ZFHX3: variants seen among roughly 807,000 people sequenced by gnomAD.
ZFHX3 encodes the protein zinc finger homeobox 3, also known as zinc finger homeobox protein 3.
Under a neutral mutation model 279.1 loss-of-function variants are expected in ZFHX3, and 42 were observed. That is an observed-to-expected ratio of 0.15 (90% CI 0.12 to 0.19). ZFHX3 has a LOEUF of 0.19. Among genes scored for constraint, ZFHX3 ranks in the 10% least tolerant of loss-of-function variants. The pLI, the probability that ZFHX3 is intolerant of heterozygous loss-of-function variation, is 1.00. For missense variants in ZFHX3, 4,981 were observed against 4,754.0 expected, an observed-to-expected ratio of 1.05 and a Z score of -1.40; for synonymous variants, 2,293 against 1,957.8, an observed-to-expected ratio of 1.17 and a Z score of -4.52.
At chr16:73,568,943 T>C (rs904206119) in intron 2 of ZFHX3, among the ~76,000 whole-genome samples, 2 of 152,064 alleles carry the variant, frequency 1.3e-5, no homozygotes, top group Admixed American at 1.3e-4. Flanking sequence ...CAGAATGTCA[T>C]GTGCCTCCGG....
intron 1 of ZFHX3, chr16:73,815,820 C>A (rs1960555061): frequency 6.6e-6 from 1 of 152,226 alleles, no homozygotes; most frequent in Non-Finnish European, 1.5e-5. Flanking sequence ...CCACCTCGGC[C>A]TCCCAAAGTG....
intron 2 of ZFHX3, among the ~76,000 whole-genome samples, chr16:73,669,531 G>A (rs1182631622): frequency 6.6e-6 from 1 of 152,182 alleles, no homozygotes; most frequent in Non-Finnish European, 1.5e-5. Flanking sequence ...ATAAAAAGGG[G>A]TATCCATGAA....
At chr16:73,759,579 G>A (rs1004694544) in intron 1 of ZFHX3, among the ~76,000 whole-genome samples, 3 of 152,190 alleles carry the variant, frequency 2.0e-5, no homozygotes, top group African/African-American at 7.2e-5. Flanking sequence ...AAGTTAAAAA[G>A]AGGAGGCAGA....
chr16:73,122,360 G>A (rs1353382339), intron 7 of ZFHX3, among the ~76,000 whole-genome samples: 2 of 151,580 alleles, frequency 1.3e-5, no homozygotes, highest in Non-Finnish European at 1.5e-5. Context: ...TGCATGCCAG[G>A]CTAATTTTTG....
intron 3 of ZFHX3, among the ~76,000 whole-genome samples, chr16:73,417,744 G>C (rs1474977788): frequency 6.6e-6 from 1 of 151,604 alleles, no homozygotes; most frequent in Non-Finnish European, 1.5e-5. Context: ...AGGCTGAAGC[G>C]GGTGGATCAC....
At chr16:72,800,822 G>A (rs988013640) in intron 7 of ZFHX3, among the ~76,000 whole-genome samples, 3 of 152,106 alleles carry the variant, frequency 2.0e-5, no homozygotes, top group Non-Finnish European at 4.4e-5. Flanking sequence ...TCTGACCAAC[G>A]TCCCAGCGAT....
In ZFHX3 at chr16:72,950,832, G is replaced by A. The variant is rs1366807474; in HGVS notation, c.2853C>T (p.Asn951=). 2.5e-6 allele frequency: 4 copies of A among 1,614,062 alleles called. No homozygotes were observed. The highest frequency in any genetic ancestry group is 1.7e-5 in the Admixed American group (1 of 60,012). ...SLKLFQCAVC[N]KFTTDNLDML... ...TGTCCAGGTTGTCCGTCGTGAACTT[G>A]TTGCAGACGGCGCACTGGAAGAGCT... The change falls in exon 3 of 10, where the codon AAC becomes AAT. Residue 951 remains asparagine, a synonymous_variant. Coordinates refer to ENST00000268489, the MANE Select transcript of ZFHX3 (RefSeq NM_006885.4).
chr16:73,746,466 G>T (rs192513840), intron 1 of ZFHX3, among the ~76,000 whole-genome samples: 4 of 152,292 alleles, frequency 2.6e-5, no homozygotes, highest in African/African-American at 9.6e-5. Context: ...CACCTTCATA[G>T]TCTCTTGACA....
At chr16:73,802,271 C>T (rs1432443282) in intron 1 of ZFHX3, among the ~76,000 whole-genome samples, 2 of 152,012 alleles carry the variant, frequency 1.3e-5, no homozygotes, top group Non-Finnish European at 2.9e-5. Flanking sequence ...GAAGGAGGGA[C>T]CAAGAGGTGA....
At chr16:73,842,338 G>A (rs1157091545) in intron 1 of ZFHX3, among the ~76,000 whole-genome samples, 1 of 152,082 alleles carries the variant, frequency 6.6e-6, no homozygotes, top group Non-Finnish European at 1.5e-5. Flanking sequence ...TAGGTCTTAG[G>A]TGAGCTGCTG....
intron 8 of ZFHX3, among the ~76,000 whole-genome samples, chr16:73,073,638 A>G (rs1048362639): frequency 5.9e-5 from 9 of 152,122 alleles, no homozygotes; most frequent in African/African-American, 1.9e-4. Flanking sequence ...AGCTGGGATT[A>G]TAGGCACCTG....
At chr16:72,935,659 G>A (rs1212245698) in intron 3 of ZFHX3, among the ~76,000 whole-genome samples, 3 of 151,720 alleles carry the variant, frequency 2.0e-5, no homozygotes, top group Non-Finnish European at 4.4e-5. Context: ...GCTTGAACTC[G>A]GGAGGGGGGG....
chr16:73,784,765 A>T (rs57523979), intron 1 of ZFHX3, among the ~76,000 whole-genome samples: 2,519 of 136,966 alleles, frequency 0.018, 80 homozygotes, highest in African/African-American at 0.069. Flanking sequence ...AAAAATTTTT[A>T]AAAAACTATT....
At chr16:73,355,217 C>G (rs1314652614) in intron 3 of ZFHX3, among the ~76,000 whole-genome samples, 1 of 152,162 alleles carries the variant, frequency 6.6e-6, no homozygotes, top group Non-Finnish European at 1.5e-5. Flanking sequence ...CAAAGAAACG[C>G]TTTGTAGGAC....
chr16:73,570,982 A>T (rs1707751748), intron 2 of ZFHX3, among the ~76,000 whole-genome samples: 1 of 151,462 alleles, frequency 6.6e-6, no homozygotes, highest in Admixed American at 6.6e-5. Flanking sequence ...ACACTGTGTT[A>T]AGACATCATT....
At chr16:73,819,694 A>C (rs183949850) in intron 1 of ZFHX3, among the ~76,000 whole-genome samples, 30 of 152,278 alleles carry the variant, frequency 2.0e-4, no homozygotes, top group African/African-American at 6.5e-4. Flanking sequence ...ACCATAAGGC[A>C]AGAGTAGGAT....
intron 1 of ZFHX3, among the ~76,000 whole-genome samples, chr16:73,680,461 A>T (rs1460402692): frequency 6.6e-6 from 1 of 152,206 alleles, no homozygotes; most frequent in Non-Finnish European, 1.5e-5. Context: ...TTCCAATTGC[A>T]AAGAAAGCCT....
At chr16:73,728,475 G>A (rs1157337284) in intron 1 of ZFHX3, among the ~76,000 whole-genome samples, 1 of 152,178 alleles carries the variant, frequency 6.6e-6, no homozygotes, top group Non-Finnish European at 1.5e-5. Flanking sequence ...ATTGTAAAAA[G>A]TTCTATTGGA....
intron 1 of ZFHX3, among the ~76,000 whole-genome samples, chr16:73,721,245 C>T (rs1403658202): frequency 1.3e-5 from 2 of 152,198 alleles, no homozygotes; most frequent in Non-Finnish European, 2.9e-5. Flanking sequence ...CCTCAGCCTC[C>T]CAGGGAGCTG....
Sources: allele counts gnomAD v4.1 joint callset (sites outside exome capture counted in the v4.1 genomes callset), GRCh38; gene constraint gnomAD v4.1.1; transcripts MANE v1.5; gene names NCBI Gene and HGNC (gene_info 2026-07-23, HGNC 2026-07-21).